NIFK: variants seen among roughly 807,000 people sequenced by gnomAD.
NIFK encodes the protein nucleolar protein interacting with the FHA domain of MKI67.
A neutral mutation model predicts 31.7 loss-of-function variants in NIFK; 16 were observed. The ratio of observed to expected loss-of-function variants is 0.50; its 90% CI spans 0.34 to 0.77. The LOEUF (loss-of-function observed/expected upper bound fraction) is 0.77, where lower values mean the gene tolerates loss of function less well. Among genes scored for constraint, NIFK ranks in the 30% least tolerant of loss-of-function variants. The pLI is 0.01. For synonymous variants in NIFK, 126 were observed against 123.0 expected, an observed-to-expected ratio of 1.02 and a Z score of -0.16; for missense variants, 341 against 350.4, an observed-to-expected ratio of 0.97 and a Z score of 0.21.
intron 2 of NIFK, among the ~76,000 whole-genome samples, chr2:121,735,338 G>A (rs988981984): frequency 5.9e-5 from 9 of 152,216 alleles, no homozygotes; most frequent in African/African-American, 2.2e-4. Context: ...TGTACCAAAG[G>A]CTAACACAAG....
In NIFK at chr2:121,732,170, A is replaced by G. The variant is rs755071631; in HGVS notation, c.278T>C (p.Phe93Ser). 1 of 1,613,194 alleles carries G rather than the reference A, an allele frequency of 6.2e-7. No individual in the cohort carries two copies. The highest frequency in any genetic ancestry group is 1.7e-5 in the Admixed American group (1 of 60,018). Residue 93 changes from phenylalanine to serine, a missense_variant, in exon 3 of 7, where the codon TTT (phenylalanine) becomes TCT (serine). Phe to Ser is a radical substitution (Grantham distance 155). Coordinates refer to ENST00000285814, the MANE Select transcript of NIFK (RefSeq NM_032390.5). ...GNSKGYAFVE[F>S]ESEDVAKIVA... ...TATTTTGGCAACATCCTCAGACTCAAACTCCACAAATGCATAGCCTTTGCT... is the reference window on the plus strand; with the variant it reads ...TATTTTGGCAACATCCTCAGACTCAGACTCCACAAATGCATAGCCTTTGCT...
At position 121,726,952 on chromosome 2, in the gene NIFK, G is replaced by A. The variant is rs147724629; in HGVS notation, c.*772C>T. On this transcript the variant is annotated 3_prime_UTR_variant, in exon 7 of 7. Transcript: ENST00000285814. The stretch of plus-strand genomic sequence containing the variant: ...CAGGCACAAGCTACTACATCTGATG[G>A]CAATGTTTTTAATGAGTCTGAATTC... The A allele has an allele frequency of 1.7e-3, 267 of 155,104 alleles. 5 individuals carry two copies. Among genetic ancestry groups the A allele is most frequent in the Admixed American group, 0.012 (189 of 15,592 alleles). 9.6% of individuals were successfully genotyped at this position (155,104 alleles called of 1,614,324 possible).
intron 2 of NIFK, among the ~76,000 whole-genome samples, chr2:121,734,995 G>C (rs1022573092): frequency 1.3e-5 from 2 of 152,162 alleles, no homozygotes; most frequent in Non-Finnish European, 2.9e-5. Context: ...TATGTGCGGG[G>C]AAAGAAAAGA....
intron 2 of NIFK, 79 bp from the exon 3 acceptor site, chr2:121,732,283 TA>T: frequency 1.2e-6 from 1 of 816,516 alleles, no homozygotes; most frequent in South Asian, 1.5e-5. Context: ...GCCATTATTT[TA>T]AATAATGTAT....
At chr2:121,731,468 C>T (rs1049118980) in intron 3 of NIFK, among the ~76,000 whole-genome samples, 1 of 152,194 alleles carries the variant, frequency 6.6e-6, no homozygotes, top group East Asian at 1.9e-4. Context: ...GTGCGTCACT[C>T]CTCCACTCCC....
In NIFK at chr2:121,727,670, G is replaced by C. The variant is rs1160630331; in HGVS notation, c.*54C>G. 1.5e-6 allele frequency: 2 copies of C among 1,318,392 alleles called. No individual in the cohort carries two copies. Among genetic ancestry groups the C allele is most frequent in the African/African-American group, 3.0e-5 (2 of 66,150 alleles). 81.7% of individuals were successfully genotyped at this position (1,318,392 alleles called of 1,614,324 possible). On this transcript the variant is annotated 3_prime_UTR_variant, in exon 7 of 7. Coordinates refer to ENST00000285814, the MANE Select transcript of NIFK (RefSeq NM_032390.5). ...TCCATTGTACCTAGTGAAATACAAAGTCCACTCTCATAAAAATATTATATT... is the reference window on the plus strand; with the variant it reads ...TCCATTGTACCTAGTGAAATACAAACTCCACTCTCATAAAAATATTATATT...
At chr2:121,731,491 C>T (rs114421541) in intron 3 of NIFK, among the ~76,000 whole-genome samples, 2,091 of 152,308 alleles carry the variant, frequency 0.014, 53 homozygotes, top group African/African-American at 0.048. Flanking sequence ...TGGCTTCTCT[C>T]GTGTGGAAGA....
At chr2:121,736,485 C>T (rs1310835031) in intron 1 of NIFK, among the ~76,000 whole-genome samples, 2 of 152,258 alleles carry the variant, frequency 1.3e-5, no homozygotes, top group African/African-American at 4.8e-5. Context: ...CGTTACCCTC[C>T]ACATGAAGGC....
At position 121,735,596 on chromosome 2, in the gene NIFK, A is replaced by T; in HGVS notation, c.243+17T>A. 1 of 1,611,612 alleles carries T rather than the reference A, an allele frequency of 6.2e-7. No homozygotes were observed. Among genetic ancestry groups the T allele is most frequent in the Non-Finnish European group, 8.5e-7 (1 of 1,179,620 alleles). ...ATTTGAAAAACAAAACATTAAATCC[A>T]ACTGCAAAAATCTTACCCTTTTACT... On this transcript the variant is annotated intron_variant, in intron 2 of 6. Transcript: ENST00000285814.
intron 2 of NIFK, among the ~76,000 whole-genome samples, chr2:121,733,877 T>G (rs1454754966): frequency 6.6e-6 from 1 of 152,180 alleles, no homozygotes; most frequent in Non-Finnish European, 1.5e-5. Flanking sequence ...TGGTAAAAAC[T>G]TACCTCTTAT....
rs2074500172 is a variant in NIFK at position 121,727,565 on chromosome 2, CAATCCAA to C, written c.*152_*158del. 7 of 738,750 alleles carry C rather than the reference CAATCCAA, an allele frequency of 9.5e-6. No homozygotes were observed. Among genetic ancestry groups the C allele is most frequent in the Non-Finnish European group, 1.2e-5 (5 of 413,962 alleles). The allele number at this position is 738,750 out of a possible 1,614,324, so 45.8% of individuals were successfully genotyped here. A position where few individuals can be genotyped will look rare whatever the true frequency, so the allele number is the denominator to read the frequency against. ...CCCCTGTATTTCAGCCAAGGGCAGG[CAATCCAA>C]AATTACACACTGCTTTCCTTAACTT... On this transcript the variant is annotated 3_prime_UTR_variant, in exon 7 of 7. Coordinates refer to ENST00000285814, the MANE Select transcript of NIFK (RefSeq NM_032390.5).
chr2:121,727,972 C>A, intron 6 of NIFK, 60 bp from the exon 7 acceptor site: 1 of 1,404,390 alleles, frequency 7.1e-7, no homozygotes, highest in South Asian at 1.4e-5. Flanking sequence ...TGACTTTACC[C>A]AAAAATATCA....
chr2:121,732,138 C>T lies in NIFK; in HGVS notation c.310G>A (p.Glu104Lys), dbSNP rs1480090793. The T allele has an allele frequency of 2.5e-6, 4 of 1,612,788 alleles. No homozygotes were observed. The highest frequency in any genetic ancestry group is 2.5e-6 in the Non-Finnish European group (3 of 1,178,942). The change falls in exon 3 of 7, where the codon GAA becomes AAA. Residue 104 changes from glutamate (E) to lysine (K), a missense_variant. Physicochemically the swap from Glu to Lys is moderately conservative, Grantham distance 56 (BLOSUM62 1). Coordinates refer to ENST00000285814, the MANE Select transcript of NIFK (RefSeq NM_032390.5). ...ESEDVAKIVA[E>K]TMNNYLFGER... ...CCAAACAGGTAGTTGTTCATTGTTT[C>T]AGCAACTATTTTGGCAACATCCTCA...
rs779030291 is a variant in NIFK at position 121,735,726 on chromosome 2, G to A, written c.130C>T (p.Pro44Ser). ...AGGTGGCGCACATAGACTACTCCAGGAGTAAGTTGTTCTTGTTTTTTTCGC... is the reference window on the plus strand; with the variant it reads ...AGGTGGCGCACATAGACTACTCCAGAAGTAAGTTGTTCTTGTTTTTTTCGC... ...TQRKKQEQLTPGVVYVRHLPN... is the reference protein window; with the variant it reads ...TQRKKQEQLTSGVVYVRHLPN... The change falls in exon 2 of 7, where the codon CCT becomes TCT. Residue 44 changes from proline to serine, a missense_variant. Pro to Ser is a moderately conservative substitution (Grantham distance 74). Transcript: ENST00000285814. The A allele has an allele frequency of 1.9e-6, 3 of 1,613,242 alleles. No homozygotes were observed. Among genetic ancestry groups the A allele is most frequent in the Non-Finnish European group, 2.5e-6 (3 of 1,179,854 alleles).
chr2:121,730,540 A>G (rs962287156), intron 4 of NIFK: 1 of 209,868 alleles, frequency 4.8e-6, no homozygotes, highest in African/African-American at 2.4e-5. Flanking sequence ...TCAAAAAAGA[A>G]AAAAAAGTTT....
At chr2:121,729,171 C>T (rs1203205981) in intron 4 of NIFK, among the ~76,000 whole-genome samples, 1 of 151,970 alleles carries the variant, frequency 6.6e-6, no homozygotes, top group Non-Finnish European at 1.5e-5. Context: ...ACCAGCCTGG[C>T]TAACATGGTG....
chr2:121,736,621 C>A (rs373552011), intron 1 of NIFK, 125 bp downstream of exon 1: 100 of 775,336 alleles, frequency 1.3e-4, no homozygotes, highest in African/African-American at 8.4e-4. Context: ...CTTGGGAGAC[C>A]CTGGAGGTAA....
chr2:121,728,269 GT>G lies in NIFK; in HGVS notation c.693+18del, dbSNP rs780989419. On this transcript the variant is annotated intron_variant, in intron 6 of 6. Coordinates refer to ENST00000285814, the MANE Select transcript of NIFK (RefSeq NM_032390.5). ...ATTTCTATAATATCTGGTGTCTGGA[GT>G]ATTGAAAACCATTTTACCTGGCTAT... 2.7e-6 allele frequency: 4 copies of G among 1,483,544 alleles called. No homozygotes were observed. The highest frequency in any genetic ancestry group is 3.7e-6 in the Non-Finnish European group (4 of 1,074,564). 91.9% of individuals were successfully genotyped at this position (1,483,544 alleles called of 1,614,324 possible). A position where few individuals can be genotyped will look rare whatever the true frequency, so the allele number is the denominator to read the frequency against.
chr2:121,729,381 A>AG (rs1559904746), intron 4 of NIFK, among the ~76,000 whole-genome samples: 4 of 151,716 alleles, frequency 2.6e-5, no homozygotes, highest in East Asian at 1.9e-4. Context: ...AAAAAAAAAA[A>AG]AAAAGAAAAG....
Sources: gnomAD v4.1 joint callset for allele counts (sites outside exome capture counted in the v4.1 genomes callset) on GRCh38, gnomAD v4.1.1 for gene constraint, MANE v1.5 for transcripts, NCBI Gene and HGNC (gene_info 2026-07-23, HGNC 2026-07-21) for gene names.